The following CRB1 variants were observed in gnomAD, a reference collection of about 807,000 sequenced individuals.
CRB1 encodes protein crumbs homolog 1.
A neutral mutation model predicts 120.0 loss-of-function variants in CRB1; 83 were observed. The observed-to-expected ratio is 0.69, with a 90% CI of 0.58 to 0.83. CRB1 has a LOEUF of 0.83. CRB1 is among the 40% of genes least tolerant of loss of function. The pLI is 0.00. For synonymous variants in CRB1, 625 were observed against 612.5 expected, an observed-to-expected ratio of 1.02 and a Z score of -0.30; for missense variants, 1,699 against 1,687.6, an observed-to-expected ratio of 1.01 and a Z score of -0.12.
chr1:197,428,978 A>C (rs940562396), intron 7 of CRB1: 1 of 1,533,194 alleles, frequency 6.5e-7, no homozygotes, highest in South Asian at 1.2e-5. Context: ...ATTCAGAGGC[A>C]GACCAATGTG....
intron 2 of CRB1, among the ~76,000 whole-genome samples, chr1:197,331,800 T>C (rs1658870458): frequency 6.6e-6 from 1 of 152,208 alleles, no homozygotes; most frequent in Non-Finnish European, 1.5e-5. Flanking sequence ...AAAACTATAT[T>C]TTACAATGTA....
intron 5 of CRB1, among the ~76,000 whole-genome samples, chr1:197,397,901 T>C (rs1472517695): frequency 2.0e-5 from 3 of 152,092 alleles, no homozygotes; most frequent in Admixed American, 2.0e-4. Flanking sequence ...GCACAGTGTA[T>C]ACCTTTGTAC....
At chr1:197,462,182 A>G (rs1666561699) in intron 11 of CRB1, among the ~76,000 whole-genome samples, 1 of 152,184 alleles carries the variant, frequency 6.6e-6, no homozygotes, top group Non-Finnish European at 1.5e-5. Context: ...GACTTTTTAT[A>G]GGCAGAAATG....
rs138038122 is a variant in CRB1, at chr1:197,355,944, A to G, written c.989-887A>G. 5.4e-3 allele frequency among the ~76,000 whole-genome samples: 817 copies of G among 152,356 alleles called. 9 individuals are homozygous for G. The highest frequency in any genetic ancestry group is 0.018 in the African/African-American group (769 of 41,590). On this transcript the variant is annotated intron_variant, in intron 4 of 11. Transcript: ENST00000367400. ...CGAGGGCTGCGAGGGCTGCCAGCAC[A>G]CTGTCACCTCTCATAATGATATTAA...
At chr1:197,474,771 C>T (rs1419760122) in intron 11 of CRB1, among the ~76,000 whole-genome samples, 1 of 152,168 alleles carries the variant, frequency 6.6e-6, no homozygotes, top group Non-Finnish European at 1.5e-5. Flanking sequence ...GGAGAACCGC[C>T]ATTTACTCCA....
At chr1:197,458,237 C>T (rs2125543229) in intron 11 of CRB1, among the ~76,000 whole-genome samples, 1 of 152,016 alleles carries the variant, frequency 6.6e-6, no homozygotes, top group African/African-American at 2.4e-5. Context: ...AAGGAGGATC[C>T]AGGAAAGAGC....
At chr1:197,225,472 C>T in the CRB1 span, among the ~76,000 whole-genome samples, 1 of 152,190 alleles carries the variant, frequency 6.6e-6, no homozygotes, top group African/African-American at 2.4e-5. Context: ...AGTAACAGAA[C>T]ACCAATATTT....
intron 1 of CRB1, among the ~76,000 whole-genome samples, chr1:197,276,741 A>T (rs1655228714): frequency 6.6e-6 from 1 of 151,920 alleles, no homozygotes; most frequent in South Asian, 2.1e-4. Flanking sequence ...ACATAACTGA[A>T]GTGGATTGAG....
At chr1:197,356,679 T>G (rs1221177501) in intron 4 of CRB1, 152 bp from the exon 5 acceptor site, 13 of 747,676 alleles carry the variant, frequency 1.7e-5, no homozygotes, top group Admixed American at 1.0e-4. Flanking sequence ...CCACTAAGCC[T>G]CCTCTTACCA....
At chr1:197,254,316 T>C in the CRB1 span, among the ~76,000 whole-genome samples, 2 of 152,018 alleles carry the variant, frequency 1.3e-5, no homozygotes, top group Admixed American at 6.6e-5. Context: ...ACACAGAATC[T>C]ATGCAATCAT....
chr1:197,454,888 C>A (rs1048057961), intron 11 of CRB1, among the ~76,000 whole-genome samples: 15 of 152,098 alleles, frequency 9.9e-5, no homozygotes, highest in African/African-American at 3.6e-4. Context: ...GCATGGTAAG[C>A]AACTAAAATA....
At chr1:197,338,276 A>G (rs965815632) in intron 2 of CRB1, among the ~76,000 whole-genome samples, 9 of 152,118 alleles carry the variant, frequency 5.9e-5, no homozygotes, top group African/African-American at 2.2e-4. Flanking sequence ...TGGGAAAATA[A>G]TATATTACTA....
At chr1:197,230,938 A>T in the CRB1 span, among the ~76,000 whole-genome samples, 1 of 152,218 alleles carries the variant, frequency 6.6e-6, no homozygotes, top group African/African-American at 2.4e-5. Context: ...ATTAAAGATG[A>T]TAGTATCTCT....
chr1:197,342,808 A>T (rs964756610), intron 2 of CRB1, among the ~76,000 whole-genome samples: 3 of 152,244 alleles, frequency 2.0e-5, no homozygotes, highest in Non-Finnish European at 4.4e-5. Flanking sequence ...TTGATGTAGC[A>T]TTTACTGTAT....
intron 2 of CRB1, among the ~76,000 whole-genome samples, chr1:197,332,807 T>C (rs1211998785): frequency 1.3e-5 from 2 of 152,212 alleles, no homozygotes; most frequent in African/African-American, 4.8e-5. Flanking sequence ...CACCATACCA[T>C]CATTTAGACA....
At chr1:197,391,631 T>C (rs1662512316) in intron 5 of CRB1, among the ~76,000 whole-genome samples, 1 of 152,112 alleles carries the variant, frequency 6.6e-6, no homozygotes, top group South Asian at 2.1e-4. Flanking sequence ...AGTTGCATCC[T>C]GGAACTTTAT....
chr1:197,426,857 A>C (rs962374645), intron 6 of CRB1, among the ~76,000 whole-genome samples: 1 of 152,176 alleles, frequency 6.6e-6, no homozygotes, highest in East Asian at 1.9e-4. Flanking sequence ...TTTACAGACT[A>C]AAAACCTGAA....
At chr1:197,443,386 C>T (rs1356513467) in intron 11 of CRB1, 1 of 151,950 alleles carries the variant, frequency 6.6e-6, no homozygotes, top group Non-Finnish European at 1.5e-5. Flanking sequence ...AATCCTTTCT[C>T]TATTTCCTTT....
At chr1:197,442,646 T>A (rs1665510809) in intron 11 of CRB1, 1 of 857,750 alleles carries the variant, frequency 1.2e-6, no homozygotes, top group African/African-American at 1.7e-5. Context: ...ACTAGAAATA[T>A]CTCCTTATTG....
Sources: allele counts gnomAD v4.1 joint callset (sites outside exome capture counted in the v4.1 genomes callset), GRCh38; gene constraint gnomAD v4.1.1; transcripts MANE v1.5; gene names NCBI Gene and HGNC (gene_info 2026-07-23, HGNC 2026-07-21).